The following HELZ variants were observed in gnomAD, a reference collection of about 807,000 sequenced individuals.
HELZ encodes helicase with zinc finger, also known as ATP-dependent RNA helicase with zinc finger domain.
A neutral mutation model predicts 218.2 loss-of-function variants in HELZ; 23 were observed. That is an observed-to-expected ratio of 0.11 (90% CI 0.08 to 0.15). The LOEUF (loss-of-function observed/expected upper bound fraction) is 0.15, where lower values mean the gene tolerates loss of function less well. Ranked by LOEUF, HELZ falls within the 10% of genes least tolerant of loss-of-function variation. The pLI is 1.00. For synonymous variants in HELZ, 814 were observed against 829.4 expected (o/e 0.98, Z 0.32); for missense variants, 1,813 against 2,353.7 (o/e 0.77, Z 4.75).
intron 31 of HELZ, among the ~76,000 whole-genome samples, chr17:67,096,717 T>C (rs920654003): frequency 1.3e-5 from 2 of 152,236 alleles, no homozygotes; most frequent in Non-Finnish European, 2.9e-5. Flanking sequence ...TTGCTCTGGA[T>C]TACGCTTTGG....
chr17:67,196,323 G>A (rs896605240), intron 7 of HELZ, among the ~76,000 whole-genome samples: 1 of 150,670 alleles, frequency 6.6e-6, no homozygotes, highest in Non-Finnish European at 1.5e-5. Flanking sequence ...AGCGCATTTG[G>A]CTCTAACTTT....
intron 5 of HELZ, among the ~76,000 whole-genome samples, chr17:67,206,783 G>T (rs1353398363): frequency 1.3e-5 from 2 of 151,790 alleles, no homozygotes; most frequent in Admixed American, 1.3e-4. Flanking sequence ...ATTTTTAGTA[G>T]AGACGGGCTT....
chr17:67,113,427 T>G (rs910291925), intron 28 of HELZ, among the ~76,000 whole-genome samples: 17 of 151,918 alleles, frequency 1.1e-4, no homozygotes, highest in Admixed American at 2.6e-4. Flanking sequence ...GCCCGGCTAA[T>G]TTTTTTGTAT....
At position 67,178,906 on chromosome 17, in the gene HELZ, C is replaced by T. The variant is rs2039531777; in HGVS notation, c.1183G>A (p.Ala395Thr). Residue 395 changes from alanine (A) to threonine (T), a missense_variant, in exon 13 of 33, where the codon GCA becomes ACA. Physicochemically the swap from Ala to Thr is moderately conservative, Grantham distance 58 (BLOSUM62 0). Around this residue, in one of 4 missense-constraint regions of HELZ, gnomAD observed 714 missense variants for 1,029.2 expected, o/e 0.69. Coordinates refer to ENST00000358691, the MANE Select transcript of HELZ (RefSeq NM_014877.4). ...GCTGTGGTTACTAGCTGCTGTTTTG[C>T]ATGCATCAGGTATTCGAGATCTAAA... is the stretch of plus-strand genomic sequence containing the variant. ...STEDLEYLMH[A>T]KQQLVTTAKR... The T allele has an allele frequency of 1.2e-6, 2 of 1,608,208 alleles. No individual in the cohort carries two copies. The highest frequency in any genetic ancestry group is 1.7e-6 in the Non-Finnish European group (2 of 1,176,218).
At chr17:67,127,142 A>G (rs1030431320) in intron 24 of HELZ, among the ~76,000 whole-genome samples, 53 of 152,234 alleles carry the variant, frequency 3.5e-4, no homozygotes, top group African/African-American at 1.1e-3. Flanking sequence ...CACCCACCCA[A>G]TAAACTTCTG....
intron 31 of HELZ, among the ~76,000 whole-genome samples, chr17:67,089,668 TAGAGAGAG>T (rs1555595394): frequency 2.4e-4 from 17 of 70,640 alleles, no homozygotes; most frequent in African/African-American, 5.5e-4. Context: ...TATATATATA[TAGAGAGAG>T]AGAGAGAGAG....
In HELZ at chr17:67,077,548, C is replaced by CA. The variant is rs1212845836; in HGVS notation, c.*703dup. 1 of 151,302 alleles carries CA rather than the reference C, an allele frequency of 6.6e-6. No individual in the cohort carries two copies. Among genetic ancestry groups the CA allele is most frequent in the Non-Finnish European group, 1.5e-5 (1 of 67,774 alleles). 9.4% of individuals were successfully genotyped at this position (151,302 alleles called of 1,614,324 possible). A position where few individuals can be genotyped will look rare whatever the true frequency, so the allele number is the denominator to read the frequency against. On this transcript the variant is annotated 3_prime_UTR_variant, in exon 33 of 33. Transcript: ENST00000358691. ...AAACAAGCTTGAAGTGTAGCTTGTC[C>CA]AAAAAATAACTAAGTATGCCAACGT...
chr17:67,124,492 A>C (rs2037719967), intron 24 of HELZ, among the ~76,000 whole-genome samples: 1 of 152,214 alleles, frequency 6.6e-6, no homozygotes, highest in Non-Finnish European at 1.5e-5. Context: ...AGTATAATTC[A>C]TGCTGTGTTA....
chr17:67,123,087 G>A lies in HELZ; in HGVS notation c.3513C>T (p.His1171=), dbSNP rs1023113032. The A allele has an allele frequency of 1.2e-6, 2 of 1,613,436 alleles. No individual in the cohort carries two copies. Among genetic ancestry groups the A allele is most frequent in the South Asian group, 1.1e-5 (1 of 91,068 alleles). ...AYTPPPPLGP[H]PNLGKSPSPV... ...GGCTTGGAGATTTTCCCAAATTTGG[G>A]TGAGGTCCAAGAGGGGGTGGAGGAG... is the stretch of plus-strand genomic sequence containing the variant. Residue 1171 remains histidine (H), a synonymous_variant, in exon 26 of 33, where the codon CAC becomes CAT. Transcript: ENST00000358691.
chr17:67,222,463 G>C (rs955193044), intron 3 of HELZ, among the ~76,000 whole-genome samples: 5 of 152,158 alleles, frequency 3.3e-5, no homozygotes, highest in Admixed American at 6.6e-5. Context: ...GCAGAACTAT[G>C]AATTTCAGGA....
At chr17:67,244,828 G>A in intron 1 of HELZ, 1 of 985,512 alleles carries the variant, frequency 1.0e-6, no homozygotes, top group East Asian at 1.1e-4. Flanking sequence ...AGTGCTCTGG[G>A]CCGGAGAAAC....
Position 67,078,335 on chromosome 17 carries a change from T to C in HELZ, c.5746A>G (p.Ser1916Gly). Residue 1916 changes from serine to glycine, a missense_variant, in exon 33 of 33, where the codon AGT (serine) becomes GGT (glycine). This residue lies in a region of HELZ where 938 missense variants were observed against 1,027.5 expected (regional missense o/e 0.91). Coordinates refer to ENST00000358691, the MANE Select transcript of HELZ (RefSeq NM_014877.4). ...PRPPPEQAKK[S>G]SDPLSLFQEL... ...TGGAAGAGAGACAGAGGGTCGCTACTCTTCTTGGCCTGCTCAGGAGGGGGC... is the reference window on the plus strand; with the variant it reads ...TGGAAGAGAGACAGAGGGTCGCTACCCTTCTTGGCCTGCTCAGGAGGGGGC... The C allele has an allele frequency of 6.2e-7, 1 of 1,614,090 alleles. No individual in the cohort carries two copies.
At chr17:67,189,314 A>G (rs972789300) in intron 11 of HELZ, among the ~76,000 whole-genome samples, 1 of 152,160 alleles carries the variant, frequency 6.6e-6, no homozygotes, top group African/African-American at 2.4e-5. Flanking sequence ...CCTATGTCCC[A>G]AGTTTAGAAG....
intron 2 of HELZ, among the ~76,000 whole-genome samples, chr17:67,241,462 T>G (rs974718521): frequency 6.6e-6 from 1 of 152,220 alleles, no homozygotes; most frequent in Non-Finnish European, 1.5e-5. Context: ...ATCTGTAAGA[T>G]CTGGGCTACT....
rs1186191056 is a variant in HELZ, at chr17:67,203,558, T to A, written c.248-115A>T. ...CTTTTTATATGCTAAAAGAGTAACTTCAAATACTCTAGAGGGAAGCAGTGG... is the reference window on the plus strand; with the variant it reads ...CTTTTTATATGCTAAAAGAGTAACTACAAATACTCTAGAGGGAAGCAGTGG... On this transcript the variant is annotated intron_variant, in intron 5 of 32. Transcript: ENST00000358691. 6.0e-6 allele frequency: 7 copies of A among 1,175,064 alleles called. No individual in the cohort carries two copies. The East Asian group carries it at 1.2e-4, about 20-fold the overall frequency. The allele number at this position is 1,175,064 out of a possible 1,614,324, so 72.8% of individuals were successfully genotyped here. A position where few individuals can be genotyped will look rare whatever the true frequency, so the allele number is the denominator to read the frequency against.
intron 13 of HELZ, among the ~76,000 whole-genome samples, chr17:67,176,063 C>T (rs1055070949): frequency 1.3e-5 from 2 of 152,136 alleles, no homozygotes; most frequent in Non-Finnish European, 2.9e-5. Context: ...TAATGATGTA[C>T]CAGTTTCCTT....
intron 31 of HELZ, among the ~76,000 whole-genome samples, chr17:67,092,985 C>T (rs2143634796): frequency 6.6e-6 from 1 of 151,950 alleles, no homozygotes; most frequent in East Asian, 1.9e-4. Flanking sequence ...AAAAGATAAT[C>T]AAGGATTACC....
Position 67,109,222 on chromosome 17 carries a change from G to A in HELZ, c.4383C>T (p.Gly1461=). ...GTGCAATGGCTCTCAGAGGACTGTG[G>A]CCTTCTTGCAGCATGGGAGGGGGCT... ...EQQPPPMLQE[G]HSPLRAIAQP... is the part of the protein sequence containing the mutation. The change falls in exon 29 of 33, where the codon GGC becomes GGT. Residue 1461 remains glycine, a synonymous_variant. Coordinates refer to ENST00000358691, the MANE Select transcript of HELZ (RefSeq NM_014877.4). The A allele has an allele frequency of 6.2e-7, 1 of 1,614,122 alleles. No individual in the cohort carries two copies. Among genetic ancestry groups the A allele is most frequent in the Non-Finnish European group, 8.5e-7 (1 of 1,180,020 alleles).
chr17:67,215,269 T>G (rs2040566552), intron 5 of HELZ, among the ~76,000 whole-genome samples: 1 of 152,154 alleles, frequency 6.6e-6, no homozygotes, highest in African/African-American at 2.4e-5. Context: ...TCCTTTCAAT[T>G]TATCTAGCTA....
Sources: gnomAD v4.1 joint callset for allele counts (sites outside exome capture counted in the v4.1 genomes callset) on GRCh38, gnomAD v4.1.1 for gene constraint, gnomAD v4.1.1 regional missense constraint, MANE v1.5 for transcripts, NCBI Gene and HGNC (gene_info 2026-07-23, HGNC 2026-07-21) for gene names.